Variants in LGALS1 observed in about 807,000 individuals in gnomAD.
LGALS1 encodes the protein galectin 1.
In LGALS1, 14 loss-of-function variants were observed where a neutral mutation model predicts 14.4. The observed-to-expected ratio is 0.97, with a 90% CI of 0.64 to 1.52. The LOEUF (loss-of-function observed/expected upper bound fraction) is 1.52, where lower values mean the gene tolerates loss of function less well. LGALS1 is among the 40% of genes most tolerant of loss of function. The pLI is 0.00. For missense variants in LGALS1, 170 were observed against 181.4 expected (o/e 0.94, Z 0.36); for synonymous variants, 71 against 73.4 (o/e 0.97, Z 0.17).
chr22:37,679,572 G>A, intron 3 of LGALS1, 31 bp from the exon 4 acceptor site: 4 of 1,552,292 alleles, frequency 2.6e-6, no homozygotes, highest in Non-Finnish European at 3.5e-6. Context: ...ATGGCATGTG[G>A]GCCCGGCTCA....
Position 37,679,776 on chromosome 22 carries a change from A to T in LGALS1, c.*27A>T. ...ATCAGCCAGCCCATGGCCCCCAATA[A>T]AGGCAGCTGCCTCTGCTCCCTCTGA... On this transcript the variant is annotated 3_prime_UTR_variant, in exon 4 of 4. Transcript: ENST00000215909. 6.4e-7 allele frequency: 1 copy of T among 1,561,160 alleles called. No individual in the cohort carries two copies. Among genetic ancestry groups the T allele is most frequent in the Non-Finnish European group, 8.7e-7 (1 of 1,149,028 alleles).
In LGALS1 at chr22:37,679,584, T is replaced by G; in HGVS notation, c.262-19T>G. On this transcript the variant is annotated intron_variant, in intron 3 of 3. Transcript: ENST00000215909. Reference sequence around the variant, plus strand: ...CCCATGGCATGTGGGCCCGGCTCACTGCTCTCCTCTACCCCCAGGTGTGCA... The same window carrying G: ...CCCATGGCATGTGGGCCCGGCTCACGGCTCTCCTCTACCCCCAGGTGTGCA... 6.3e-7 allele frequency: 1 copy of G among 1,577,938 alleles called. No homozygotes were observed. The highest frequency in any genetic ancestry group is 8.6e-7 in the Non-Finnish European group (1 of 1,160,390).
In LGALS1 at chr22:37,675,721, G is replaced by C. The variant is rs1315288707; in HGVS notation, c.9+10G>C. On this transcript the variant is annotated intron_variant, in intron 1 of 3. Coordinates refer to ENST00000215909, the MANE Select transcript of LGALS1 (RefSeq NM_002305.4). ...CTCAATCATGGCTTGTGTGAGTGTGGGGACCCCCCCCCAAGGTCCAGGGGA... is the reference window on the plus strand; with the variant it reads ...CTCAATCATGGCTTGTGTGAGTGTGCGGACCCCCCCCCAAGGTCCAGGGGA... The C allele has an allele frequency of 6.5e-7, 1 of 1,538,646 alleles. No individual in the cohort carries two copies. The highest frequency in any genetic ancestry group is 2.0e-5 in the Admixed American group (1 of 49,690).
rs768177890 is a variant in LGALS1, at chr22:37,677,019, G to T, written c.43G>T (p.Gly15Ter). The T allele has an allele frequency of 2.5e-5, 40 of 1,613,998 alleles. No homozygotes were observed. The South Asian group carries it at 3.7e-4, about 15-fold the overall frequency. The change falls in exon 2 of 4, where the codon GGA becomes TGA. Residue 15 changes from glycine to a stop codon, truncating the protein, a stop_gained. Coordinates refer to ENST00000215909, the MANE Select transcript of LGALS1 (RefSeq NM_002305.4). LOFTEE classifies it high-confidence loss of function. ...CGCCAGCAACCTGAATCTCAAACCT[G>T]GAGAGTGCCTTCGAGTGCGAGGCGA... ...LVASNLNLKP[G>*]ECLRVRGEVA...
rs182394684 is a variant in LGALS1 at position 37,677,776 on chromosome 22, T to C, written c.90-707T>C. Among the ~76,000 whole-genome samples, 466 of 151,680 alleles carry C rather than the reference T, an allele frequency of 3.1e-3. 1 individual carries two copies. Among genetic ancestry groups the C allele is most frequent in the African/African-American group, 0.011 (447 of 41,386 alleles). On this transcript the variant is annotated intron_variant, in intron 2 of 3. Coordinates refer to ENST00000215909, the MANE Select transcript of LGALS1 (RefSeq NM_002305.4). ...TATTATTTTATTTATTTATTTATTATTTTATTATTTTATTTATTTATTTTT... is the reference window on the plus strand; with the variant it reads ...TATTATTTTATTTATTTATTTATTACTTTATTATTTTATTTATTTATTTTT...
intron 2 of LGALS1, 118 bp from the exon 3 acceptor site, chr22:37,678,365 G>T (rs1921510809): frequency 2.7e-6 from 3 of 1,118,972 alleles, no homozygotes; most frequent in Admixed American, 2.0e-5. Context: ...CAGGTTTCTT[G>T]TCTCTGTTAG....
At chr22:37,678,232 C>T (rs1921504965) in intron 2 of LGALS1, 1 of 616,006 alleles carries the variant, frequency 1.6e-6, no homozygotes, top group Non-Finnish European at 3.1e-6. Context: ...TGACCTTGAC[C>T]AAACGGGCTA....
chr22:37,677,097 G>A, intron 2 of LGALS1, 32 bp downstream of exon 2: 1 of 1,608,684 alleles, frequency 6.2e-7, no homozygotes, highest in Non-Finnish European at 8.5e-7. Context: ...GTGGGCGGCA[G>A]GGACGGGCTT....
chr22:37,678,678 GACCA>G, intron 3 of LGALS1, 24 bp downstream of exon 3: 1 of 480,394 alleles, frequency 2.1e-6, no homozygotes, highest in Non-Finnish European at 4.0e-6. Flanking sequence ...CGGAACCGGG[GACCA>G]GGGACAGGGG....
chr22:37,678,048 A>C (rs1167210109), intron 2 of LGALS1, among the ~76,000 whole-genome samples: 1 of 152,110 alleles, frequency 6.6e-6, no homozygotes, highest in Admixed American at 6.5e-5. Flanking sequence ...CGGCCTCCCA[A>C]AGTGCTGGGG....
At chr22:37,676,354 G>T (rs928582847) in intron 1 of LGALS1, among the ~76,000 whole-genome samples, 6 of 152,286 alleles carry the variant, frequency 3.9e-5, no homozygotes, top group African/African-American at 1.4e-4. Context: ...ACTCAAACCA[G>T]TTAACTCTTG....
chr22:37,679,053 C>T (rs1921540491), intron 3 of LGALS1, among the ~76,000 whole-genome samples: 1 of 151,608 alleles, frequency 6.6e-6, no homozygotes, highest in African/African-American at 2.4e-5. Context: ...ATTGGTTGAA[C>T]CCGGGAGGCG....
chr22:37,675,854 C>T (rs964774095), intron 1 of LGALS1, 143 bp downstream of exon 1: 1 of 657,580 alleles, frequency 1.5e-6, no homozygotes, highest in Non-Finnish European at 2.4e-6. Flanking sequence ...ACCTCAGTGG[C>T]CACATCTGTA....
At position 37,679,657 on chromosome 22, in the gene LGALS1, G is replaced by A. The variant is rs1389013302; in HGVS notation, c.316G>A (p.Glu106Lys). 4.3e-6 allele frequency: 7 copies of A among 1,610,498 alleles called. No individual in the cohort carries two copies. The highest frequency in any genetic ancestry group is 5.1e-6 in the Non-Finnish European group (6 of 1,178,812). The change falls in exon 4 of 4, where the codon GAA (glutamate) becomes AAA (lysine). Residue 106 changes from glutamate to lysine, a missense_variant. Coordinates refer to ENST00000215909, the MANE Select transcript of LGALS1 (RefSeq NM_002305.4). ...GACCGTCAAGCTGCCAGATGGATAC[G>A]AATTCAAGTTCCCCAACCGCCTCAA... ...NLTVKLPDGY[E>K]FKFPNRLNLE...
chr22:37,676,219 T>TGGGG (rs1921420106), intron 1 of LGALS1: 1 of 42,526 alleles, frequency 2.4e-5, no homozygotes, highest in African/African-American at 9.2e-5. Context: ...GTGTCCAGGC[T>TGGGG]GGTGGCGGGG....
chr22:37,678,590 G>A lies in LGALS1; in HGVS notation c.197G>A (p.Gly66Asp). 1.2e-6 allele frequency: 2 copies of A among 1,613,488 alleles called. No individual in the cohort carries two copies. The highest frequency in any genetic ancestry group is 1.7e-6 in the Non-Finnish European group (2 of 1,180,000). Residue 66 changes from glycine to aspartate, a missense_variant, in exon 3 of 4, where the codon GGC (glycine) becomes GAC (aspartate). Gly to Asp is a moderately conservative substitution (Grantham distance 94, BLOSUM62 -1). Transcript: ENST00000215909. ...ANTIVCNSKD[G>D]GAWGTEQREA... Reference sequence around the variant, plus strand: ...ACCATCGTGTGCAACAGCAAGGACGGCGGGGCCTGGGGGACCGAGCAGCGG... The same window carrying A: ...ACCATCGTGTGCAACAGCAAGGACGACGGGGCCTGGGGGACCGAGCAGCGG...
Position 37,679,666 on chromosome 22 carries a change from T to C in LGALS1, c.325T>C (p.Phe109Leu), listed in dbSNP as rs779003923. The C allele has an allele frequency of 1.6e-5, 26 of 1,610,670 alleles. 1 individual carries two copies. The South Asian group carries it at 2.9e-4, about 18-fold the overall frequency. The change falls in exon 4 of 4, where the codon TTC becomes CTC. Residue 109 changes from phenylalanine (F) to leucine (L), a missense_variant. Transcript: ENST00000215909. ...VKLPDGYEFKFPNRLNLEAIN... is the reference protein window; with the variant it reads ...VKLPDGYEFKLPNRLNLEAIN... ...GCTGCCAGATGGATACGAATTCAAG[T>C]TCCCCAACCGCCTCAACCTGGAGGC...
In LGALS1 at chr22:37,677,431, G is replaced by A. The variant is rs374742551; in HGVS notation, c.89+366G>A. On this transcript the variant is annotated intron_variant, in intron 2 of 3. Transcript: ENST00000215909. Reference sequence around the variant, plus strand: ...CCTTCCCCCTGAGTCCCTCCTTCCTGCGTCTGGTCATTCATTCATTCACTG... The same window carrying A: ...CCTTCCCCCTGAGTCCCTCCTTCCTACGTCTGGTCATTCATTCATTCACTG... 4.0e-4 allele frequency: 113 copies of A among 284,752 alleles called. 1 individual carries two copies. The East Asian group carries it at 0.01, about 25-fold the overall frequency. The allele number at this position is 284,752 out of a possible 1,614,324, so 17.6% of individuals were successfully genotyped here. A position where few individuals can be genotyped will look rare whatever the true frequency, so the allele number is the denominator to read the frequency against.
chr22:37,675,792 C>A (rs1601601177), intron 1 of LGALS1, 81 bp downstream of exon 1: 2 of 1,280,238 alleles, frequency 1.6e-6, no homozygotes, highest in Non-Finnish European at 2.1e-6. Flanking sequence ...AGATCGGGAG[C>A]AGATTCTAGC....
Sources: gnomAD v4.1 joint callset for allele counts (sites outside exome capture counted in the v4.1 genomes callset) on GRCh38, gnomAD v4.1.1 for gene constraint, MANE v1.5 for transcripts, NCBI Gene and HGNC (gene_info 2026-07-23, HGNC 2026-07-21) for gene names.